SDCCAG8: variants seen among roughly 807,000 people sequenced by gnomAD.
SDCCAG8 encodes the protein SHH signaling and ciliogenesis regulator SDCCAG8, also known as serologically defined colon cancer antigen 8.
Under a neutral mutation model 101.8 loss-of-function variants are expected in SDCCAG8, and 74 were observed. That is an observed-to-expected ratio of 0.73 (90% CI 0.60 to 0.88). SDCCAG8 has a LOEUF of 0.88. Among genes scored for constraint, SDCCAG8 ranks in the 40% least tolerant of loss-of-function variants. The pLI, the probability that SDCCAG8 is intolerant of heterozygous loss-of-function variation, is 0.00. For missense variants in SDCCAG8, 787 were observed against 822.6 expected, an observed-to-expected ratio of 0.96 and a Z score of 0.53; for synonymous variants, 281 against 292.9, an observed-to-expected ratio of 0.96 and a Z score of 0.41.
chr1:243,348,093 T>G (rs2075837866), intron 12 of SDCCAG8, among the ~76,000 whole-genome samples: 1 of 146,214 alleles, frequency 6.8e-6, no homozygotes, highest in African/African-American at 2.5e-5. Context: ...TGGAGTGCAG[T>G]GGCGCGATCT....
In SDCCAG8 at chr1:243,364,110, A is replaced by T. The variant is rs1352397517; in HGVS notation, c.1474-14611A>T. Among the ~76,000 whole-genome samples the T allele has an allele frequency of 2.0e-5, 3 of 151,494 alleles. No homozygotes were observed. The East Asian group carries it at 5.8e-4, about 29-fold the overall frequency. On this transcript the variant is annotated intron_variant, in intron 12 of 17. Coordinates refer to ENST00000366541, the MANE Select transcript of SDCCAG8 (RefSeq NM_006642.5). Reference sequence around the variant, plus strand: ...GTACACCATGTCTCAGTACAGAAGGATTTTTTTTTCAATCAGTTATGTCTC... The same window carrying T: ...GTACACCATGTCTCAGTACAGAAGGTTTTTTTTTTCAATCAGTTATGTCTC...
chr1:243,413,903 GC>G (rs1207773697), intron 13 of SDCCAG8, among the ~76,000 whole-genome samples: 1 of 152,048 alleles, frequency 6.6e-6, no homozygotes, highest in Admixed American at 6.5e-5. Context: ...AAAAGTTTTT[GC>G]CTCCTCTCGT....
chr1:243,368,816 G>C (rs1444284946), intron 12 of SDCCAG8, among the ~76,000 whole-genome samples: 4 of 152,108 alleles, frequency 2.6e-5, no homozygotes, highest in Admixed American at 2.0e-4. Context: ...CTTCACAAGT[G>C]AAGGCAAAAA....
chr1:243,395,846 A>G (rs963532885), intron 13 of SDCCAG8, among the ~76,000 whole-genome samples: 6 of 151,998 alleles, frequency 3.9e-5, no homozygotes, highest in African/African-American at 1.4e-4. Context: ...TTGACATTCA[A>G]TTTTATATCA....
intron 1 of SDCCAG8, among the ~76,000 whole-genome samples, chr1:243,258,684 G>A (rs1176077801): frequency 1.3e-5 from 2 of 152,198 alleles, no homozygotes; most frequent in Admixed American, 1.3e-4. Context: ...GGTTATAGGC[G>A]TGAGCCACCG....
chr1:243,371,053 C>A (rs1243799868), intron 12 of SDCCAG8, among the ~76,000 whole-genome samples: 2 of 152,110 alleles, frequency 1.3e-5, no homozygotes, highest in East Asian at 3.9e-4. Context: ...GCCCTAAAGT[C>A]TCCTGCAGAA....
intron 12 of SDCCAG8, among the ~76,000 whole-genome samples, chr1:243,366,618 AT>A (rs1277976714): frequency 6.6e-6 from 1 of 152,046 alleles, no homozygotes; most frequent in African/African-American, 2.4e-5. Context: ...TGAAAACTAA[AT>A]AAGAGTATCA....
chr1:243,336,284 T>G (rs1408971442), intron 10 of SDCCAG8, among the ~76,000 whole-genome samples: 1 of 152,016 alleles, frequency 6.6e-6, no homozygotes, highest in African/African-American at 2.4e-5. Flanking sequence ...CTGCATGGTC[T>G]GTTGTTTTTT....
intron 15 of SDCCAG8, among the ~76,000 whole-genome samples, chr1:243,424,165 C>T (rs545047910): frequency 2.0e-5 from 3 of 151,732 alleles, no homozygotes. Flanking sequence ...TAATGTTTGT[C>T]TTATTTTTGT....
intron 16 of SDCCAG8, among the ~76,000 whole-genome samples, chr1:243,472,560 C>G (rs1184259338): frequency 6.6e-6 from 1 of 152,194 alleles, no homozygotes; most frequent in Non-Finnish European, 1.5e-5. Context: ...TCAGCTGTGT[C>G]CAGGCTGAAA....
chr1:243,384,763 C>T (rs991465295), intron 13 of SDCCAG8, among the ~76,000 whole-genome samples: 1 of 151,612 alleles, frequency 6.6e-6, no homozygotes, highest in African/African-American at 2.4e-5. Flanking sequence ...GGTAACATAG[C>T]ATGACCGCAT....
Position 243,256,214 on chromosome 1 carries a change from T to C in SDCCAG8, c.41T>C (p.Leu14Pro), listed in dbSNP as rs1362864982. ...GAGAACTCTACCCTGGAGGAGATTC[T>C]GGGGCAGTATCAACGGAGTCTCCGG... The part of the protein sequence containing the change: ...SPENSTLEEI[L>P]GQYQRSLREH... Residue 14 changes from leucine to proline, a missense_variant, in exon 1 of 18, where the codon CTG becomes CCG. Coordinates refer to ENST00000366541, the MANE Select transcript of SDCCAG8 (RefSeq NM_006642.5). 6 of 1,614,200 alleles carry C rather than the reference T, an allele frequency of 3.7e-6. 1 individual carries two copies. The highest frequency in any genetic ancestry group is 1.6e-4 in the Middle Eastern group (1 of 6,062).
chr1:243,397,638 T>A (rs1046094782), intron 13 of SDCCAG8, among the ~76,000 whole-genome samples: 2 of 152,234 alleles, frequency 1.3e-5, no homozygotes, highest in African/African-American at 2.4e-5. Context: ...TGGATCTCTG[T>A]TCATTTTGTG....
At chr1:243,491,617 G>T (rs1019981022) in intron 17 of SDCCAG8, among the ~76,000 whole-genome samples, 9 of 152,230 alleles carry the variant, frequency 5.9e-5, no homozygotes, top group African/African-American at 1.9e-4. Context: ...GGGGCTGTCA[G>T]TGGGCTTCAG....
intron 9 of SDCCAG8, among the ~76,000 whole-genome samples, chr1:243,321,345 T>C (rs1247931722): frequency 6.6e-6 from 1 of 152,154 alleles, no homozygotes; most frequent in Non-Finnish European, 1.5e-5. Context: ...GTATTGAGCA[T>C]AGTGCCCCAT....
intron 13 of SDCCAG8, among the ~76,000 whole-genome samples, chr1:243,406,477 C>T (rs2079792480): frequency 6.6e-6 from 1 of 152,172 alleles, no homozygotes; most frequent in African/African-American, 2.4e-5. Flanking sequence ...GAAACCATTA[C>T]AGAAATTGCT....
At chr1:243,477,658 G>A (rs533118502) in intron 16 of SDCCAG8, among the ~76,000 whole-genome samples, 1 of 152,228 alleles carries the variant, frequency 6.6e-6, no homozygotes, top group Non-Finnish European at 1.5e-5. Flanking sequence ...GAAGAGCCTC[G>A]GTGATATTGT....
In SDCCAG8 at chr1:243,477,033, C is replaced by CACACACACACAGAGAG. The variant is rs942231630; in HGVS notation, c.1986-11980_1986-11979insCACACACACAGAGAGA. 1.7e-4 allele frequency among the ~76,000 whole-genome samples: 26 copies of CACACACACACAGAGAG among 150,414 alleles called. 1 individual carries two copies. The highest frequency in any genetic ancestry group is 1.2e-3 in the Admixed American group (18 of 15,184). ...ACACACACACACACACACACACACACAGAGAGAAAGGCAGGAGAGCGTAAT... is the reference window on the plus strand; with the variant it reads ...ACACACACACACACACACACACACACACACACACACAGAGAGAGAGAGAAAGGCAGGAGAGCGTAAT... On this transcript the variant is annotated intron_variant, in intron 16 of 17. Transcript: ENST00000366541.
At chr1:243,406,748 C>A (rs1273064823) in intron 13 of SDCCAG8, among the ~76,000 whole-genome samples, 2 of 152,098 alleles carry the variant, frequency 1.3e-5, no homozygotes, top group African/African-American at 4.8e-5. Context: ...CGCTGCTGCC[C>A]CACAACATAT....
Sources: gnomAD v4.1 joint callset for allele counts (sites outside exome capture counted in the v4.1 genomes callset) on GRCh38, gnomAD v4.1.1 for gene constraint, MANE v1.5 for transcripts, NCBI Gene and HGNC (gene_info 2026-07-23, HGNC 2026-07-21) for gene names.